Variants in RNF175 observed in about 807,000 individuals in gnomAD.
RNF175 encodes the protein ring finger protein 175.
Under a neutral mutation model 50.0 loss-of-function variants are expected in RNF175, and 38 were observed. That is an observed-to-expected ratio of 0.76 (90% CI 0.59 to 1.00). The LOEUF is 1.00. RNF175 is among the 50% of genes least tolerant of loss of function. The probability of loss-of-function intolerance (pLI) is 0.00; values close to 1 mark genes in which losing one functional copy is unlikely to be tolerated. For missense variants in RNF175, 388 were observed against 409.6 expected (o/e 0.95, Z 0.46); for synonymous variants, 155 against 146.1 (o/e 1.06, Z -0.44).
intron 3 of RNF175, among the ~76,000 whole-genome samples, chr4:153,744,613 G>T (rs924647864): frequency 6.6e-6 from 1 of 152,106 alleles, no homozygotes; most frequent in Non-Finnish European, 1.5e-5. Flanking sequence ...TTTAAAGAAA[G>T]AATGCATAAG....
At position 153,759,247 on chromosome 4, in the gene RNF175, C is replaced by T. The variant is rs370315301; in HGVS notation, c.66+550G>A. Among the ~76,000 whole-genome samples, 68 of 152,282 alleles carry T rather than the reference C, an allele frequency of 4.5e-4. No individual in the cohort carries two copies. The East Asian group carries it at 0.012, about 26-fold the overall frequency. On this transcript the variant is annotated intron_variant, in intron 1 of 8. Coordinates refer to ENST00000347063, the MANE Select transcript of RNF175 (RefSeq NM_173662.4). Reference sequence around the variant, plus strand: ...TTGAGCACCAGGCAAGACAAGCTGACGATCAGGGTACACATCTTGAATCAG... The same window carrying T: ...TTGAGCACCAGGCAAGACAAGCTGATGATCAGGGTACACATCTTGAATCAG...
chr4:153,748,397 C>T (rs1442058138), intron 3 of RNF175: 1 of 389,924 alleles, frequency 2.6e-6, no homozygotes, highest in African/African-American at 2.1e-5. Context: ...CATCCCTGGC[C>T]TCTATCCACC....
At chr4:153,752,429 G>T (rs1740339309) in intron 1 of RNF175, among the ~76,000 whole-genome samples, 1 of 152,160 alleles carries the variant, frequency 6.6e-6, no homozygotes, top group African/African-American at 2.4e-5. Context: ...CCATGGAGAA[G>T]TTGCCAGTAT....
chr4:153,728,362 C>T lies in RNF175; in HGVS notation c.247-1G>A. 1.2e-6 allele frequency: 2 copies of T among 1,613,038 alleles called. No homozygotes were observed. Among genetic ancestry groups the T allele is most frequent in the African/African-American group, 1.3e-5 (1 of 74,992 alleles). The stretch of plus-strand genomic sequence containing the variant: ...CCCACATCTGCAACAAGGTCACCAG[C>T]TGTCAGAGAAATGAACAGGAAGTAT... On this transcript the variant is annotated splice_acceptor_variant, in intron 3 of 8. Coordinates refer to ENST00000347063, the MANE Select transcript of RNF175 (RefSeq NM_173662.4). LOFTEE classifies it high-confidence loss of function.
rs10017081 is a variant in RNF175, at chr4:153,715,374, A to T, written c.764+155T>A. 4.9e-3 allele frequency: 3,619 copies of T among 739,172 alleles called. 102 individuals carry two copies. The African/African-American group carries it at 0.055, about 11-fold the overall frequency. 45.8% of individuals were successfully genotyped at this position (739,172 alleles called of 1,614,324 possible). A position where few individuals can be genotyped will look rare whatever the true frequency, so the allele number is the denominator to read the frequency against. On this transcript the variant is annotated intron_variant, in intron 7 of 8. Transcript: ENST00000347063. ...TAGCAGTTCATTATTCAGCAGGGAC[A>T]AACAGGAAGACTCGACTGGGCTGGA...
At chr4:153,739,198 G>C (rs758704134) in intron 3 of RNF175, among the ~76,000 whole-genome samples, 1 of 152,172 alleles carries the variant, frequency 6.6e-6, no homozygotes, top group Non-Finnish European at 1.5e-5. Context: ...TGAGGTGGGC[G>C]GATCATGAGG....
intron 6 of RNF175, among the ~76,000 whole-genome samples, chr4:153,718,226 G>GTTTTTTTTTTTTTTTTTTT (rs1325216298): frequency 2.9e-4 from 9 of 30,580 alleles, no homozygotes; most frequent in African/African-American, 5.7e-4. Context: ...TTGTTTGTTT[G>GTTTTTTTTTTTTTTTTTTT]TTTGTTTGTT....
At chr4:153,731,076 T>C (rs1188696531) in intron 3 of RNF175, among the ~76,000 whole-genome samples, 1 of 152,234 alleles carries the variant, frequency 6.6e-6, no homozygotes. Flanking sequence ...ATCTTTAAAA[T>C]GTAACTCAGC....
chr4:153,748,856 A>G, intron 2 of RNF175, 70 bp from the exon 3 acceptor site: 1 of 1,444,476 alleles, frequency 6.9e-7, no homozygotes, highest in Non-Finnish European at 9.3e-7. Flanking sequence ...AAAACAAAAA[A>G]CAAAAAACAA....
chr4:153,711,082 T>G (rs1267001913), intron 8 of RNF175, among the ~76,000 whole-genome samples: 1 of 152,216 alleles, frequency 6.6e-6, no homozygotes, highest in Non-Finnish European at 1.5e-5. Context: ...ACAGTTTATT[T>G]TCTCAAGACT....
chr4:153,753,555 T>C (rs1740401995), intron 1 of RNF175, among the ~76,000 whole-genome samples: 2 of 144,166 alleles, frequency 1.4e-5, no homozygotes, highest in South Asian at 4.5e-4. Context: ...TCTCTCTCTC[T>C]CTCTCTTTTT....
At chr4:153,759,383 C>CCTT (rs1740713878) in intron 1 of RNF175, among the ~76,000 whole-genome samples, 1 of 152,172 alleles carries the variant, frequency 6.6e-6, no homozygotes, top group African/African-American at 2.4e-5. Flanking sequence ...GCAGTACACC[C>CCTT]CTTCCCCTCT....
At chr4:153,733,483 A>G (rs1357996427) in intron 3 of RNF175, among the ~76,000 whole-genome samples, 1 of 152,230 alleles carries the variant, frequency 6.6e-6, no homozygotes, top group Non-Finnish European at 1.5e-5. Context: ...CATACACAGC[A>G]GTATGATAAT....
intron 1 of RNF175, among the ~76,000 whole-genome samples, chr4:153,754,314 G>C (rs1465648968): frequency 6.6e-6 from 1 of 152,188 alleles, no homozygotes; most frequent in Non-Finnish European, 1.5e-5. Context: ...GGAAACTGGA[G>C]ATAAAGTTTT....
intron 3 of RNF175, among the ~76,000 whole-genome samples, chr4:153,744,744 T>G (rs1289361141): frequency 6.6e-6 from 1 of 152,194 alleles, no homozygotes; most frequent in Non-Finnish European, 1.5e-5. Flanking sequence ...TTAAAGAACT[T>G]TTCTTTGATA....
intron 3 of RNF175, among the ~76,000 whole-genome samples, chr4:153,736,903 A>G (rs1739380893): frequency 6.6e-6 from 1 of 152,166 alleles, no homozygotes; most frequent in African/African-American, 2.4e-5. Flanking sequence ...TCTGTGACCC[A>G]GGCTGGAATG....
In RNF175 at chr4:153,753,227, G is replaced by A. The variant is rs547899461; in HGVS notation, c.67-1752C>T. The stretch of plus-strand genomic sequence containing the variant: ...GACCCTCAGGAGGGCTGTGGATTGC[G>A]GGCTCCTAGGGCGTCTAGAAGTGGG... On this transcript the variant is annotated intron_variant, in intron 1 of 8. Coordinates refer to ENST00000347063, the MANE Select transcript of RNF175 (RefSeq NM_173662.4). Among the ~76,000 whole-genome samples the A allele has an allele frequency of 6.6e-5, 10 of 152,252 alleles. No individual in the cohort carries two copies. The East Asian group carries it at 1.2e-3, about 18-fold the overall frequency.
chr4:153,722,703 C>T lies in RNF175; in HGVS notation c.509+648G>A, dbSNP rs147204245. Among the ~76,000 whole-genome samples, 379 of 152,138 alleles carry T rather than the reference C, an allele frequency of 2.5e-3. 2 individuals carry two copies. Among genetic ancestry groups the T allele is most frequent in the African/African-American group, 8.4e-3 (349 of 41,504 alleles). On this transcript the variant is annotated intron_variant, in intron 5 of 8. Transcript: ENST00000347063. ...AGAAACCAAATTCAAGAGAGAAGTG[C>T]TGTCCAATGTAAATACAACCACAAA...
At chr4:153,720,504 A>G in intron 5 of RNF175, 200 bp from the exon 6 acceptor site, 1 of 489,906 alleles carries the variant, frequency 2.0e-6, no homozygotes. Context: ...CTCAGTGCCA[A>G]CTGGACAAAG....
Sources: gnomAD v4.1 joint callset for allele counts (sites outside exome capture counted in the v4.1 genomes callset) on GRCh38, gnomAD v4.1.1 for gene constraint, MANE v1.5 for transcripts, NCBI Gene and HGNC (gene_info 2026-07-23, HGNC 2026-07-21) for gene names.